The following LRRIQ3 variants were observed in gnomAD, a reference collection of about 807,000 sequenced individuals.
The protein encoded by LRRIQ3 is leucine rich repeats and IQ motif containing 3.
In LRRIQ3, 75 loss-of-function variants were observed where a neutral mutation model predicts 59.3. The observed-to-expected ratio is 1.26, with a 90% CI of 1.05 to 1.53. The LOEUF is 1.53. LRRIQ3 is among the 40% of genes most tolerant of loss of function. The pLI is 0.00. For missense variants in LRRIQ3, 831 were observed against 710.0 expected (o/e 1.17, Z -1.94); for synonymous variants, 250 against 231.3 (o/e 1.08, Z -0.73).
At chr1:74,078,648 G>A (rs1646236113) in intron 5 of LRRIQ3, 2 of 151,936 alleles carry the variant, frequency 1.3e-5, no homozygotes, top group Non-Finnish European at 2.9e-5. Context: ...AGAAGCAATA[G>A]TTTTACCATA....
chr1:74,126,269 G>A (rs1201665630), intron 4 of LRRIQ3, among the ~76,000 whole-genome samples: 1 of 151,290 alleles, frequency 6.6e-6, no homozygotes, highest in Non-Finnish European at 1.5e-5. Flanking sequence ...CTGGCTAAGG[G>A]TTTGTTGATT....
intron 5 of LRRIQ3, chr1:74,082,611 C>A (rs1646285633): frequency 6.6e-6 from 1 of 151,428 alleles, no homozygotes; most frequent in South Asian, 2.1e-4. Flanking sequence ...TATTTTATTA[C>A]TGATTAGTTT....
chr1:74,138,216 C>A (rs1234761878), intron 4 of LRRIQ3, among the ~76,000 whole-genome samples: 4 of 150,492 alleles, frequency 2.7e-5, no homozygotes, highest in Non-Finnish European at 5.9e-5. Context: ...GGTAATGTGA[C>A]CTGGATGTAT....
intron 4 of LRRIQ3, among the ~76,000 whole-genome samples, chr1:74,152,323 A>G (rs1464580237): frequency 6.6e-6 from 1 of 152,124 alleles, no homozygotes; most frequent in Non-Finnish European, 1.5e-5. Context: ...AAAGAAAATC[A>G]GTAGAAAAAG....
intron 5 of LRRIQ3, chr1:74,084,178 C>G: frequency 6.5e-7 from 1 of 1,547,042 alleles, no homozygotes; most frequent in Non-Finnish European, 8.7e-7. Flanking sequence ...ACACATCCAG[C>G]CCACTTCAGT....
intron 4 of LRRIQ3, among the ~76,000 whole-genome samples, chr1:74,132,082 AACAG>A (rs1433237690): frequency 6.6e-6 from 1 of 151,974 alleles, no homozygotes; most frequent in East Asian, 1.9e-4. Flanking sequence ...ATGCACCAAT[AACAG>A]ACAGAGAGCC....
rs1650160066 is a variant in LRRIQ3 at position 74,183,639 on chromosome 1, ATTC to A, written c.43_45del (p.Glu15del). On this transcript the variant is annotated inframe_deletion, in exon 2 of 8. Coordinates refer to ENST00000354431, the MANE Select transcript of LRRIQ3 (RefSeq NM_001105659.2). ...CTTATGTTTTCATTATAGTGACTCC[ATTC>A]TTCATGACTGGTTAGCTCTTCTGTG... is the stretch of plus-strand genomic sequence containing the variant. 6.2e-7 allele frequency: 1 copy of A among 1,610,664 alleles called. No individual in the cohort carries two copies.
At chr1:74,092,816 C>T (rs1205038975) in intron 5 of LRRIQ3, among the ~76,000 whole-genome samples, 2 of 151,890 alleles carry the variant, frequency 1.3e-5, no homozygotes, top group Non-Finnish European at 2.9e-5. Context: ...CAAATTGAAG[C>T]GGTTACAATA....
At chr1:74,110,491 T>C (rs745539069) in intron 4 of LRRIQ3, among the ~76,000 whole-genome samples, 1 of 151,996 alleles carries the variant, frequency 6.6e-6, no homozygotes, top group Non-Finnish European at 1.5e-5. Flanking sequence ...GCAGCCTATT[T>C]TATAGAAAAA....
At chr1:74,162,846 A>G (rs1220570879) in intron 3 of LRRIQ3, among the ~76,000 whole-genome samples, 1 of 151,720 alleles carries the variant, frequency 6.6e-6, no homozygotes, top group Non-Finnish European at 1.5e-5. Flanking sequence ...TGGGAAGGGT[A>G]GAGGGAAAGA....
chr1:74,056,208 G>T (rs1171282319), intron 6 of LRRIQ3, among the ~76,000 whole-genome samples: 1 of 151,722 alleles, frequency 6.6e-6, no homozygotes, highest in Non-Finnish European at 1.5e-5. Context: ...ATTAGATATA[G>T]CAGGAACATA....
intron 5 of LRRIQ3, among the ~76,000 whole-genome samples, chr1:74,084,906 C>T (rs1044395259): frequency 4.0e-5 from 6 of 151,702 alleles, no homozygotes; most frequent in African/African-American, 9.7e-5. Flanking sequence ...ATAATGACCA[C>T]GGTACTGGTA....
At chr1:74,117,245 G>T (rs184579833) in intron 4 of LRRIQ3, among the ~76,000 whole-genome samples, 105 of 152,152 alleles carry the variant, frequency 6.9e-4, no homozygotes, top group African/African-American at 2.5e-3. Flanking sequence ...ATCACAATTG[G>T]AAATATTAAC....
At chr1:74,126,389 A>G (rs951640211) in intron 4 of LRRIQ3, among the ~76,000 whole-genome samples, 1 of 151,660 alleles carries the variant, frequency 6.6e-6, no homozygotes, top group African/African-American at 2.4e-5. Context: ...CTTGTCTTCT[A>G]CTAATTTTGG....
At chr1:74,071,613 A>G (rs1403117000) in intron 6 of LRRIQ3, among the ~76,000 whole-genome samples, 1 of 152,088 alleles carries the variant, frequency 6.6e-6, no homozygotes, top group Non-Finnish European at 1.5e-5. Flanking sequence ...TGTTATTAGT[A>G]CAGTTTCATA....
intron 7 of LRRIQ3, among the ~76,000 whole-genome samples, chr1:74,030,341 T>A (rs948857618): frequency 1.3e-5 from 2 of 151,502 alleles, no homozygotes; most frequent in African/African-American, 4.9e-5. Flanking sequence ...GGAGGCATCA[T>A]GCTACCTGAC....
intron 4 of LRRIQ3, among the ~76,000 whole-genome samples, chr1:74,121,324 T>C (rs1390027496): frequency 2.0e-5 from 3 of 152,044 alleles, no homozygotes; most frequent in South Asian, 2.1e-4. Flanking sequence ...ACAAAGAAAA[T>C]GATATTATTT....
chr1:74,175,186 G>A (rs1380666279), intron 3 of LRRIQ3, among the ~76,000 whole-genome samples: 1 of 152,176 alleles, frequency 6.6e-6, no homozygotes, highest in African/African-American at 2.4e-5. Context: ...CCAAGGTCAG[G>A]TGAGGCCAGC....
chr1:74,057,066 GT>G (rs924031288), intron 6 of LRRIQ3, among the ~76,000 whole-genome samples: 2 of 152,124 alleles, frequency 1.3e-5, no homozygotes, highest in Non-Finnish European at 2.9e-5. Context: ...AGAACTGTGA[GT>G]CAATTAAACC....
Sources: allele counts gnomAD v4.1 joint callset (sites outside exome capture counted in the v4.1 genomes callset), GRCh38; gene constraint gnomAD v4.1.1; transcripts MANE v1.5; gene names NCBI Gene and HGNC (gene_info 2026-07-23, HGNC 2026-07-21).